PRKN: variants seen among roughly 807,000 people sequenced by gnomAD.
PRKN encodes the protein E3 ubiquitin-protein ligase parkin.
In PRKN, 56 loss-of-function variants were observed where a neutral mutation model predicts 59.5. The observed-to-expected ratio is 0.94, with a 90% confidence interval of 0.76 to 1.18. The LOEUF (loss-of-function observed/expected upper bound fraction) is 1.18, where lower values mean the gene tolerates loss of function less well. Ranked by LOEUF, PRKN falls within the 50% of genes most tolerant of loss-of-function variation. The probability of loss-of-function intolerance (pLI) is 0.00; values close to 1 mark genes in which losing one functional copy is unlikely to be tolerated. For missense variants in PRKN, 657 were observed against 596.4 expected (o/e 1.10, Z -1.06); for synonymous variants, 250 against 222.1 (o/e 1.13, Z -1.12).
At chr6:162,496,252 A>T (rs1583670070) in intron 1 of PRKN, among the ~76,000 whole-genome samples, 1 of 152,162 alleles carries the variant, frequency 6.6e-6, no homozygotes, top group East Asian at 1.9e-4. Flanking sequence ...AAAAAAAAGA[A>T]AGAAAAAAAC....
chr6:162,135,568 A>G (rs1033696729), intron 4 of PRKN, among the ~76,000 whole-genome samples: 1 of 152,160 alleles, frequency 6.6e-6, no homozygotes, highest in East Asian at 1.9e-4. Context: ...ATTTTAAATC[A>G]GAGTTGAAAT....
At chr6:161,453,742 C>A (rs1374022994) in intron 9 of PRKN, among the ~76,000 whole-genome samples, 2 of 123,476 alleles carry the variant, frequency 1.6e-5, no homozygotes, top group African/African-American at 3.1e-5. Context: ...TCCCTCCCTT[C>A]CTTCCTCCCT....
chr6:162,349,747 T>C (rs777906771), intron 2 of PRKN, among the ~76,000 whole-genome samples: 10 of 152,174 alleles, frequency 6.6e-5, no homozygotes, highest in Non-Finnish European at 1.2e-4. Context: ...ACTTTATAGT[T>C]GACGGTAAAA....
intron 2 of PRKN, among the ~76,000 whole-genome samples, chr6:162,327,221 A>G (rs1367807284): frequency 2.0e-5 from 3 of 152,168 alleles, no homozygotes; most frequent in African/African-American, 7.2e-5. Flanking sequence ...AGAAAAATAT[A>G]TGAGGTGTGA....
At position 161,575,667 on chromosome 6, in the gene PRKN, A is replaced by C. The variant is rs1037657263; in HGVS notation, c.872-6251T>G. On this transcript the variant is annotated intron_variant, in intron 7 of 11. Coordinates refer to ENST00000366898, the MANE Select transcript of PRKN (RefSeq NM_004562.3). The surrounding 1 kb of genome is among the most constrained non-coding windows in gnomAD (Gnocchi z 4.6). ...GTGAGCACCCAGGCTTGGGATAGAA[A>C]TGGAAATGGATTTCAGCTCTCTGAT... Among the ~76,000 whole-genome samples, 13 of 152,202 alleles carry C rather than the reference A, an allele frequency of 8.5e-5. No individual in the cohort carries two copies. The highest frequency in any genetic ancestry group is 1.9e-4 in the Non-Finnish European group (13 of 68,034).
intron 1 of PRKN, among the ~76,000 whole-genome samples, chr6:162,489,518 C>T (rs1204746243): frequency 2.0e-5 from 3 of 152,190 alleles, no homozygotes; most frequent in African/African-American, 4.8e-5. Context: ...CAAAGTTCAT[C>T]ATGGCTGATG....
At chr6:162,313,299 C>T (rs1458632193) in intron 2 of PRKN, among the ~76,000 whole-genome samples, 1 of 152,062 alleles carries the variant, frequency 6.6e-6, no homozygotes, top group African/African-American at 2.4e-5. Context: ...TAGCAACCAA[C>T]ATTTTACCTT....
chr6:162,140,969 A>C (rs936421974), intron 4 of PRKN, among the ~76,000 whole-genome samples: 1 of 151,984 alleles, frequency 6.6e-6, no homozygotes, highest in Non-Finnish European at 1.5e-5. Context: ...TCTACTAAAA[A>C]ACACACAAAA....
chr6:162,220,185 T>A (rs1387257400), intron 3 of PRKN, among the ~76,000 whole-genome samples: 2 of 152,104 alleles, frequency 1.3e-5, no homozygotes, highest in Non-Finnish European at 2.9e-5. Flanking sequence ...CAACTCAAGA[T>A]GGATTAAAGA....
intron 5 of PRKN, among the ~76,000 whole-genome samples, chr6:161,995,206 A>G (rs1413859363): frequency 1.3e-5 from 2 of 152,110 alleles, no homozygotes; most frequent in Non-Finnish European, 2.9e-5. Flanking sequence ...CTACAATAAA[A>G]AGTGCTAGGC....
At position 161,353,873 on chromosome 6, in the gene PRKN, C is replaced by T. The variant is rs1434184222; in HGVS notation, c.1286-3662G>A. On this transcript the variant is annotated intron_variant, in intron 11 of 11. Transcript: ENST00000366898. The surrounding 1 kb of genome is among the most constrained non-coding windows in gnomAD (Gnocchi z 4.8). The stretch of plus-strand genomic sequence containing the variant: ...AGGGTTGAAGAGCAGGACACTCAGC[C>T]GGTGTCCACTGCAGAACTGATTGCT... Among the ~76,000 whole-genome samples, 1 of 152,148 alleles carries T rather than the reference C, an allele frequency of 6.6e-6. No individual in the cohort carries two copies. The highest frequency in any genetic ancestry group is 1.9e-4 in the East Asian group (1 of 5,178).
In PRKN at chr6:161,552,577, AAAAAAACAAAAAC is replaced by A. The variant is rs1261305146; in HGVS notation, c.934-3587_934-3575del. Among the ~76,000 whole-genome samples, 3 of 147,490 alleles carry A rather than the reference AAAAAAACAAAAAC, an allele frequency of 2.0e-5. No individual in the cohort carries two copies. Among genetic ancestry groups the A allele is most frequent in the Non-Finnish European group, 4.4e-5 (3 of 67,984 alleles). ...ACCTGTCCAAATCCTTCCACATTGA[AAAAAAACAAAAAC>A]AAAAAACAAAAAACAAAAAACTTTT... On this transcript the variant is annotated intron_variant, in intron 8 of 11. Coordinates refer to ENST00000366898, the MANE Select transcript of PRKN (RefSeq NM_004562.3). This position sits in a 1 kb window ranked among gnomAD's most constrained non-coding sequence, Gnocchi z 4.9.
intron 4 of PRKN, among the ~76,000 whole-genome samples, chr6:162,069,397 A>G (rs548326163): frequency 6.6e-6 from 1 of 152,314 alleles, no homozygotes; most frequent in East Asian, 1.9e-4. Flanking sequence ...AGACTCAGGT[A>G]TGTCTTTATC....
intron 4 of PRKN, among the ~76,000 whole-genome samples, chr6:162,136,259 G>A (rs1781561455): frequency 6.6e-6 from 1 of 151,960 alleles, no homozygotes; most frequent in Non-Finnish European, 1.5e-5. Context: ...GAACATCCAG[G>A]AAAAACTTCT....
chr6:161,532,158 CTCTCTCTCTATATATA>C (rs1391173070), intron 9 of PRKN, among the ~76,000 whole-genome samples: 7 of 57,922 alleles, frequency 1.2e-4, no homozygotes, highest in East Asian at 7.5e-4. Context: ...CTCTCTCTCT[CTCTCTCTCTATATATA>C]TATATATATA....
At chr6:161,940,668 T>G in intron 6 of PRKN, among the ~76,000 whole-genome samples, 1 of 152,212 alleles carries the variant, frequency 6.6e-6, no homozygotes, top group East Asian at 1.9e-4. Flanking sequence ...TCCAACTTAG[T>G]TCATGACCAT....
At chr6:162,524,125 T>C (rs954217239) in intron 1 of PRKN, among the ~76,000 whole-genome samples, 1 of 152,192 alleles carries the variant, frequency 6.6e-6, no homozygotes, top group Non-Finnish European at 1.5e-5. Context: ...AATATGCTTA[T>C]GAAGTACTAA....
At chr6:162,260,465 A>G (rs955050788) in intron 3 of PRKN, among the ~76,000 whole-genome samples, 1 of 152,172 alleles carries the variant, frequency 6.6e-6, no homozygotes, top group African/African-American at 2.4e-5. Context: ...GAATTTTCTC[A>G]GTGCCTACTG....
intron 6 of PRKN, among the ~76,000 whole-genome samples, chr6:161,835,992 A>C (rs1353968933): frequency 6.6e-6 from 1 of 151,900 alleles, no homozygotes; most frequent in East Asian, 1.9e-4. Flanking sequence ...CCAGCAAATG[A>C]CTCTCAGTAT....
Sources: allele counts gnomAD v4.1 joint callset (sites outside exome capture counted in the v4.1 genomes callset), GRCh38; gene constraint gnomAD v4.1.1; non-coding constraint Gnocchi (gnomAD v3.1); transcripts MANE v1.5; gene names NCBI Gene and HGNC (gene_info 2026-07-23, HGNC 2026-07-21).